Variants in ASXL1 observed in about 807,000 individuals in gnomAD.
The protein encoded by ASXL1 is polycomb group protein ASXL1.
Under a neutral mutation model 89.1 loss-of-function variants are expected in ASXL1, and 65 were observed. That is an observed-to-expected ratio of 0.73 (90% CI 0.60 to 0.90). The LOEUF is 0.90. Among genes scored for constraint, ASXL1 ranks in the 40% least tolerant of loss-of-function variants. ASXL1 has a pLI of 0.00. For missense variants in ASXL1, 1,786 were observed against 1,942.9 expected, an observed-to-expected ratio of 0.92 and a Z score of 1.52; for synonymous variants, 739 against 746.9, an observed-to-expected ratio of 0.99 and a Z score of 0.17.
At chr20:32,422,580 ATTT>A (rs11167168) in intron 4 of ASXL1, among the ~76,000 whole-genome samples, 28 of 108,020 alleles carry the variant, frequency 2.6e-4, no homozygotes, top group East Asian at 5.5e-4. Flanking sequence ...GGATTGGTTA[ATTT>A]TTTTTTTTTT....
chr20:32,367,798 G>A (rs1325553619), intron 3 of ASXL1, 69 bp downstream of exon 3: 2 of 778,976 alleles, frequency 2.6e-6, no homozygotes, highest in African/African-American at 3.4e-5. Flanking sequence ...GTTCTTAGAG[G>A]AATTATGAAG....
At position 32,428,230 on chromosome 20, in the gene ASXL1, G is replaced by A. The variant is rs1414383610; in HGVS notation, c.355G>A (p.Val119Met). Reference sequence around the variant, plus strand: ...CTGTGGGTCTAATGAAGCCAGCACTGTGAGTGGTGAAAACGATGGTAAGGA... The same window carrying A: ...CTGTGGGTCTAATGAAGCCAGCACTATGAGTGGTGAAAACGATGGTAAGGA... ...ESCGSNEASTVSGENDVSLDE... is the reference protein window; with the variant it reads ...ESCGSNEASTMSGENDVSLDE... The change falls in exon 5 of 13, where the codon GTG (valine) becomes ATG (methionine). Residue 119 changes from valine (V) to methionine (M), a missense_variant. By Grantham distance (21) the Val-to-Met change is conservative. Around this residue, in one of 3 missense-constraint regions of ASXL1, gnomAD observed 332 missense variants for 449.7 expected, o/e 0.74. Coordinates refer to ENST00000375687, the MANE Select transcript of ASXL1 (RefSeq NM_015338.6). The A allele has an allele frequency of 1.2e-6, 2 of 1,614,210 alleles. No homozygotes were observed. The highest frequency in any genetic ancestry group is 1.7e-6 in the Non-Finnish European group (2 of 1,180,046).
chr20:32,369,187 C>T (rs1267563944), intron 4 of ASXL1, 64 bp downstream of exon 4: 8 of 1,442,802 alleles, frequency 5.5e-6, no homozygotes, highest in Non-Finnish European at 2.0e-6. Flanking sequence ...ATAAAAATCA[C>T]CTGGTAGGTC....
In ASXL1 at chr20:32,397,484, C is replaced by G. The variant is rs141983084; in HGVS notation, c.252+28361C>G. 4.2e-3 allele frequency among the ~76,000 whole-genome samples: 615 copies of G among 147,068 alleles called. 9 individuals are homozygous for G. Among genetic ancestry groups the G allele is most frequent in the African/African-American group, 0.014 (553 of 39,664 alleles). On this transcript the variant is annotated intron_variant, in intron 4 of 12. Transcript: ENST00000375687. ...GCATGATCTCGGCTCGCTGCAGCCA[C>G]TGCCTCCCGGGTTCAAGCAGTTCTC...
chr20:32,404,477 T>A (rs1174646198), intron 4 of ASXL1, among the ~76,000 whole-genome samples: 1 of 152,240 alleles, frequency 6.6e-6, no homozygotes, highest in Non-Finnish European at 1.5e-5. Context: ...TTGATGTTAG[T>A]GTGTTGATCT....
chr20:32,382,924 G>T (rs1489747748), intron 4 of ASXL1, among the ~76,000 whole-genome samples: 1 of 152,164 alleles, frequency 6.6e-6, no homozygotes, highest in Non-Finnish European at 1.5e-5. Flanking sequence ...TGAGGGAGGA[G>T]CTCTCAAGTT....
At chr20:32,423,236 A>G (rs1250818707) in intron 4 of ASXL1, among the ~76,000 whole-genome samples, 1 of 150,752 alleles carries the variant, frequency 6.6e-6, no homozygotes, top group Non-Finnish European at 1.5e-5. Flanking sequence ...TTTTTTTTTA[A>G]TTTTTTATTT....
At position 32,436,404 on chromosome 20, in the gene ASXL1, C is replaced by T. The variant is rs74638057; in HGVS notation, c.3692C>T (p.Ser1231Phe). ...TCTAGGAAACTGGAAGAAATGGATT[C>T]CAAAGAGCAGTTCTCTTCCTTTAGT... ...TSSRKLEEMDSKEQFSSFSCE... is the reference protein window; with the variant it reads ...TSSRKLEEMDFKEQFSSFSCE... The change falls in exon 13 of 13, where the codon TCC becomes TTC. Residue 1231 changes from serine to phenylalanine, a missense_variant. Ser to Phe is a radical substitution (Grantham distance 155). Around this residue, in one of 3 missense-constraint regions of ASXL1, gnomAD observed 1,418 missense variants for 1,427.8 expected, o/e 0.99. Transcript: ENST00000375687. The T allele has an allele frequency of 5.9e-3, 9,492 of 1,613,826 alleles. 489 individuals carry two copies. The Admixed American group carries it at 0.11, about 18-fold the overall frequency.
chr20:32,423,377 G>T (rs1306609024), intron 4 of ASXL1, among the ~76,000 whole-genome samples: 2 of 149,010 alleles, frequency 1.3e-5, no homozygotes, highest in Non-Finnish European at 3.0e-5. Context: ...TTACAGGTGT[G>T]TGCCACCATG....
chr20:32,404,203 A>C (rs952529541), intron 4 of ASXL1, among the ~76,000 whole-genome samples: 1 of 151,682 alleles, frequency 6.6e-6, no homozygotes, highest in African/African-American at 2.4e-5. Context: ...CGATCATTTT[A>C]CTCTCTGCCT....
chr20:32,428,746 T>C (rs1368787766), intron 6 of ASXL1: 255 of 305,792 alleles, frequency 8.3e-4, no homozygotes, highest in Non-Finnish European at 1.4e-3. Flanking sequence ...CTGCAACCTC[T>C]GCCTCTGGGG....
chr20:32,389,190 A>G (rs1327439577), intron 4 of ASXL1, among the ~76,000 whole-genome samples: 1 of 152,178 alleles, frequency 6.6e-6, no homozygotes, highest in Non-Finnish European at 1.5e-5. Context: ...GCTTTAAAAT[A>G]TATTTTTATG....
At chr20:32,370,454 A>G (rs1382141624) in intron 4 of ASXL1, among the ~76,000 whole-genome samples, 2 of 152,134 alleles carry the variant, frequency 1.3e-5, no homozygotes, top group Admixed American at 1.3e-4. Context: ...TGTTTTACTT[A>G]CGAAAACAGG....
intron 10 of ASXL1, 44 bp downstream of exon 10, chr20:32,431,723 C>G: frequency 1.9e-6 from 3 of 1,587,730 alleles, no homozygotes; most frequent in Non-Finnish European, 2.6e-6. Context: ...ACGCACCTGT[C>G]GTGTGGTGTT....
intron 4 of ASXL1, among the ~76,000 whole-genome samples, chr20:32,417,058 C>T (rs746898259): frequency 3.9e-5 from 6 of 152,094 alleles, no homozygotes; most frequent in Non-Finnish European, 7.4e-5. Context: ...CCTGTGTAAA[C>T]TCATTTTGTG....
Position 32,437,533 on chromosome 20 carries a change from G to T in ASXL1, c.*195G>T. On this transcript the variant is annotated 3_prime_UTR_variant, in exon 13 of 13. Transcript: ENST00000375687. The stretch of plus-strand genomic sequence containing the variant: ...TGGTCTTGCTGGAGGGGTTTCCTGG[G>T]TATAACCCATTGGGCTGCCCAAGGC... The T allele has an allele frequency of 2.7e-5, 22 of 827,818 alleles. No homozygotes were observed. Among genetic ancestry groups the T allele is most frequent in the Non-Finnish European group, 2.9e-5 (16 of 547,014 alleles). 51.3% of individuals were successfully genotyped at this position (827,818 alleles called of 1,614,324 possible).
intron 1 of ASXL1, chr20:32,359,411 C>A: frequency 1.4e-6 from 1 of 702,310 alleles, no homozygotes; most frequent in Non-Finnish European, 2.6e-6. Flanking sequence ...GTCCTGTGGG[C>A]GACACCTGGG....
intron 4 of ASXL1, among the ~76,000 whole-genome samples, chr20:32,408,248 A>G (rs2048988125): frequency 6.6e-6 from 1 of 152,046 alleles, no homozygotes; most frequent in Non-Finnish European, 1.5e-5. Context: ...ATTAATTTCT[A>G]TGTACGGTTC....
intron 4 of ASXL1, chr20:32,426,941 A>G (rs1442450473): frequency 1.3e-5 from 2 of 152,234 alleles, no homozygotes; most frequent in East Asian, 3.8e-4. Context: ...GTAGTGGATC[A>G]AGAGACTCAT....
Sources: gnomAD v4.1 joint callset for allele counts (sites outside exome capture counted in the v4.1 genomes callset) on GRCh38, gnomAD v4.1.1 for gene constraint, gnomAD v4.1.1 regional missense constraint, MANE v1.5 for transcripts, NCBI Gene and HGNC (gene_info 2026-07-23, HGNC 2026-07-21) for gene names.